The following CCSER1 variants were observed in gnomAD, a reference collection of about 807,000 sequenced individuals.
CCSER1 encodes serine-rich coiled-coil domain-containing protein 1.
Under a neutral mutation model 82.0 loss-of-function variants are expected in CCSER1, and 41 were observed. The ratio of observed to expected loss-of-function variants is 0.50; its 90% CI spans 0.39 to 0.65. CCSER1 has a LOEUF of 0.65. Among genes scored for constraint, CCSER1 ranks in the 30% least tolerant of loss-of-function variants. The probability of loss-of-function intolerance (pLI) is 0.00; values close to 1 mark genes in which losing one functional copy is unlikely to be tolerated. For synonymous variants in CCSER1, 414 were observed against 383.9 expected, an observed-to-expected ratio of 1.08 and a Z score of -0.92; for missense variants, 1,119 against 1,064.2, an observed-to-expected ratio of 1.05 and a Z score of -0.72.
chr4:91,366,586 A>G (rs1203057568), intron 10 of CCSER1, among the ~76,000 whole-genome samples: 1 of 152,194 alleles, frequency 6.6e-6, no homozygotes, highest in Admixed American at 6.5e-5. Flanking sequence ...ATTCTCTTTC[A>G]GTAGATTGTC....
intron 10 of CCSER1, among the ~76,000 whole-genome samples, chr4:91,365,081 G>A (rs542893402): frequency 2.0e-5 from 3 of 152,202 alleles, no homozygotes; most frequent in African/African-American, 7.2e-5. Context: ...TATAGTGTTC[G>A]AGGCAAGTTT....
intron 8 of CCSER1, among the ~76,000 whole-genome samples, chr4:90,844,157 T>TATAG (rs146224460): frequency 0.17 from 25,160 of 151,006 alleles, 2,536 homozygotes; most frequent in South Asian, 0.27. Context: ...GTTGTGTATA[T>TATAG]ATAGATAGAT....
chr4:90,967,302 A>T lies in CCSER1; in HGVS notation c.2172+43855A>T, dbSNP rs183140844. On this transcript the variant is annotated intron_variant, in intron 9 of 10. Transcript: ENST00000509176. ...ATCTCCATTAAAAATACAAAAAATT[A>T]GCTGGGCGTGGTGGAGTGCACCTAT... 2.3e-3 allele frequency among the ~76,000 whole-genome samples: 353 copies of T among 151,918 alleles called. 3 individuals carry two copies. Among genetic ancestry groups the T allele is most frequent in the African/African-American group, 7.3e-3 (302 of 41,358 alleles).
At chr4:90,624,107 C>T (rs188134141) in intron 5 of CCSER1, among the ~76,000 whole-genome samples, 4 of 152,286 alleles carry the variant, frequency 2.6e-5, no homozygotes, top group Admixed American at 1.3e-4. Flanking sequence ...ATAGGGGTTA[C>T]TTACTTTTCT....
At chr4:91,586,806 G>A (rs1764018295) in intron 10 of CCSER1, among the ~76,000 whole-genome samples, 1 of 151,514 alleles carries the variant, frequency 6.6e-6, no homozygotes, top group Non-Finnish European at 1.5e-5. Flanking sequence ...TGTTTTAGTG[G>A]CTTCATTTTG....
chr4:90,380,759 T>G (rs1561132132), intron 3 of CCSER1, among the ~76,000 whole-genome samples: 1 of 152,322 alleles, frequency 6.6e-6, no homozygotes, highest in Middle Eastern at 3.4e-3. Flanking sequence ...TATTTCAATT[T>G]CTAGGTGAGA....
chr4:91,381,349 C>G lies in CCSER1; in HGVS notation c.2218-217223C>G, dbSNP rs996148754. On this transcript the variant is annotated intron_variant, in intron 10 of 10. Coordinates refer to ENST00000509176, the MANE Select transcript of CCSER1 (RefSeq NM_001145065.2). ...TAATATCCTGCAGAGTGTTTTCCAACTTGGTTCCATTCTCCCCGTCACTTT... is the reference window on the plus strand; with the variant it reads ...TAATATCCTGCAGAGTGTTTTCCAAGTTGGTTCCATTCTCCCCGTCACTTT... Among the ~76,000 whole-genome samples, 18 of 152,188 alleles carry G rather than the reference C, an allele frequency of 1.2e-4. 1 individual carries two copies. Among genetic ancestry groups the G allele is most frequent in the South Asian group, 1.0e-3 (5 of 4,828 alleles).
chr4:91,388,242 C>G (rs1751427660), intron 10 of CCSER1, among the ~76,000 whole-genome samples: 5 of 152,010 alleles, frequency 3.3e-5, no homozygotes, highest in Admixed American at 3.3e-4. Context: ...GCCATAACCT[C>G]TGATCAGAGA....
At chr4:90,340,292 T>C (rs1741158909) in intron 3 of CCSER1, among the ~76,000 whole-genome samples, 1 of 152,182 alleles carries the variant, frequency 6.6e-6, no homozygotes, top group South Asian at 2.1e-4. Flanking sequence ...GCTCCAAATA[T>C]ATCTATTCTA....
rs35038198 is a variant in CCSER1, at chr4:90,309,043, A to T, written c.759A>T (p.Thr253=). 6.2e-7 allele frequency: 1 copy of T among 1,613,854 alleles called. No homozygotes were observed. ...CTTTGCTTTCTGCTGATCTTACCAC[A>T]GCTCAGACACCTTCAGAATTTTTAG... The part of the protein sequence containing the change: ...QSPLLSADLT[T]AQTPSEFLAL... Residue 253 remains threonine, a synonymous_variant, in exon 2 of 11, where the codon ACA becomes ACT. Coordinates refer to ENST00000509176, the MANE Select transcript of CCSER1 (RefSeq NM_001145065.2).
Position 91,123,790 on chromosome 4 carries a change from AAG to A in CCSER1, c.2217+37798_2217+37799del, listed in dbSNP as rs1306438672. On this transcript the variant is annotated intron_variant, in intron 10 of 10. Coordinates refer to ENST00000509176, the MANE Select transcript of CCSER1 (RefSeq NM_001145065.2). Reference sequence around the variant, plus strand: ...TGTCACTATAACAATTTACAAGAAAAAGAATAATTTTTTTCTGTATGTAACTG... The same window carrying A: ...TGTCACTATAACAATTTACAAGAAAAAATAATTTTTTTCTGTATGTAACTG... Among the ~76,000 whole-genome samples the A allele has an allele frequency of 7.2e-5, 11 of 151,906 alleles. No individual in the cohort carries two copies. The East Asian group carries it at 1.3e-3, about 19-fold the overall frequency.
intron 1 of CCSER1, among the ~76,000 whole-genome samples, chr4:90,141,034 A>G (rs1046653502): frequency 6.6e-6 from 1 of 151,586 alleles, no homozygotes; most frequent in Non-Finnish European, 1.5e-5. Flanking sequence ...CTATCTATCT[A>G]TCTATCTATC....
intron 10 of CCSER1, chr4:91,325,085 T>G: frequency 2.3e-6 from 1 of 439,382 alleles, no homozygotes; most frequent in South Asian, 1.6e-5. Flanking sequence ...CTAAATAGCT[T>G]GGGGCTACCC....
chr4:90,455,425 T>G (rs1762037820), intron 4 of CCSER1, among the ~76,000 whole-genome samples: 1 of 152,152 alleles, frequency 6.6e-6, no homozygotes, highest in Admixed American at 6.5e-5. Flanking sequence ...AAGGTGATTT[T>G]TCTTCTCTCC....
At chr4:91,511,060 C>T (rs2870325) in intron 10 of CCSER1, among the ~76,000 whole-genome samples, 106,170 of 151,996 alleles carry the variant, frequency 0.7, 37,251 homozygotes, top group Middle Eastern at 0.73. Flanking sequence ...TGGTCAGTTA[C>T]TGCAGCAATA....
chr4:91,376,936 T>G (rs1750460497), intron 10 of CCSER1, among the ~76,000 whole-genome samples: 2 of 146,424 alleles, frequency 1.4e-5, no homozygotes, highest in African/African-American at 5.0e-5. Flanking sequence ...TGTGTGATGT[T>G]CCCCTTCCTG....
intron 10 of CCSER1, among the ~76,000 whole-genome samples, chr4:91,198,470 A>G (rs769827850): frequency 6.6e-6 from 1 of 152,204 alleles, no homozygotes; most frequent in Non-Finnish European, 1.5e-5. Flanking sequence ...GAAAGTTGCA[A>G]TAAATGAGAG....
At chr4:90,272,832 G>A (rs867628784) in intron 1 of CCSER1, among the ~76,000 whole-genome samples, 5 of 151,954 alleles carry the variant, frequency 3.3e-5, no homozygotes, top group African/African-American at 4.8e-5. Context: ...GTGAAACCTC[G>A]TCTCTACTAA....
At chr4:91,235,137 A>G (rs1334761479) in intron 10 of CCSER1, among the ~76,000 whole-genome samples, 1 of 152,138 alleles carries the variant, frequency 6.6e-6, no homozygotes, top group East Asian at 1.9e-4. Flanking sequence ...AGCACTATAT[A>G]AATTCTTATT....
Sources: gnomAD v4.1 joint callset for allele counts (sites outside exome capture counted in the v4.1 genomes callset) on GRCh38, gnomAD v4.1.1 for gene constraint, MANE v1.5 for transcripts, NCBI Gene and HGNC (gene_info 2026-07-23, HGNC 2026-07-21) for gene names.